Variants in RERG observed in about 807,000 individuals in gnomAD.
RERG encodes the protein ras-related and estrogen-regulated growth inhibitor.
RERG carries 25 observed loss-of-function variants against 23.2 expected under a neutral mutation model. The observed-to-expected ratio is 1.08, with a 90% confidence interval of 0.79 to 1.50. The LOEUF (loss-of-function observed/expected upper bound fraction) is 1.50. RERG is among the 40% of genes most tolerant of loss of function. The pLI is 0.00. For synonymous variants in RERG, 81 were observed against 89.1 expected (o/e 0.91, Z 0.51); for missense variants, 253 against 250.1 (o/e 1.01, Z -0.08).
intron 2 of RERG, among the ~76,000 whole-genome samples, chr12:15,214,675 TC>T (rs1279758201): frequency 2.6e-5 from 4 of 152,208 alleles, no homozygotes; most frequent in African/African-American, 9.7e-5. Context: ...ATTGTTGCAG[TC>T]TATTTTCAAA....
intron 2 of RERG, among the ~76,000 whole-genome samples, chr12:15,126,153 G>GATATATATATATATATATATATATA (rs1863937168): frequency 8.0e-6 from 1 of 125,056 alleles, no homozygotes; most frequent in Non-Finnish European, 1.6e-5. Flanking sequence ...ATATATATAT[G>GATATATATATATATATATATATATA]TATTTACACA....
At position 15,109,462 on chromosome 12, in the gene RERG, A is replaced by C; in HGVS notation, c.248T>G (p.Val83Gly). The change falls in exon 5 of 5, where the codon GTC becomes GGC. Residue 83 changes from valine (V) to glycine (G), a missense_variant. Transcript: ENST00000256953. ...HMRWGEGFVLVYDITDRGSFE... is the reference protein window; with the variant it reads ...HMRWGEGFVLGYDITDRGSFE... ...ACTTCCTCGGTCAGTAATGTCGTAG[A>C]CCAGCACAAAGCCTTCCCCCCATCG... The C allele has an allele frequency of 1.2e-6, 2 of 1,613,884 alleles. No homozygotes were observed. The highest frequency in any genetic ancestry group is 1.7e-6 in the Non-Finnish European group (2 of 1,179,876).
At chr12:15,156,323 TC>T (rs1864521888) in intron 2 of RERG, among the ~76,000 whole-genome samples, 1 of 152,176 alleles carries the variant, frequency 6.6e-6, no homozygotes, top group Non-Finnish European at 1.5e-5. Context: ...TGAAATGTTT[TC>T]CCATACAAGT....
At chr12:15,210,433 A>G (rs1865351075) in intron 2 of RERG, among the ~76,000 whole-genome samples, 1 of 152,116 alleles carries the variant, frequency 6.6e-6, no homozygotes, top group Non-Finnish European at 1.5e-5. Context: ...ATAATTCTTA[A>G]TTTTGTTTTG....
chr12:15,148,263 A>AG (rs2136105773), intron 2 of RERG, among the ~76,000 whole-genome samples: 1 of 152,376 alleles, frequency 6.6e-6, no homozygotes, highest in South Asian at 2.1e-4. Flanking sequence ...TAATAAAGTC[A>AG]GAAGACACCC....
intron 2 of RERG, among the ~76,000 whole-genome samples, chr12:15,183,696 A>G (rs1270917957): frequency 6.6e-6 from 1 of 152,188 alleles, no homozygotes; most frequent in Admixed American, 6.5e-5. Flanking sequence ...TGATCCCCAT[A>G]TATTATTTTA....
chr12:15,172,340 C>T (rs1222788155), intron 2 of RERG, among the ~76,000 whole-genome samples: 3 of 152,026 alleles, frequency 2.0e-5, no homozygotes, highest in African/African-American at 7.2e-5. Context: ...AATAATATTC[C>T]ATTATATGAA....
At position 15,116,589 on chromosome 12, in the gene RERG, A is replaced by C. The variant is rs60733564; in HGVS notation, c.118+4474T>G. Among the ~76,000 whole-genome samples the C allele has an allele frequency of 6.4e-3, 975 of 152,148 alleles. 8 individuals are homozygous for C. The highest frequency in any genetic ancestry group is 0.022 in the African/African-American group (931 of 41,440). ...AGCGTGTGGTAGCGTGATTTTGTCT[A>C]AGGTGAATACTGGGTTCATACCATT... On this transcript the variant is annotated intron_variant, in intron 3 of 4. Coordinates refer to ENST00000256953, the MANE Select transcript of RERG (RefSeq NM_032918.3).
At chr12:15,138,802 G>A (rs373600617) in intron 2 of RERG, among the ~76,000 whole-genome samples, 1 of 151,714 alleles carries the variant, frequency 6.6e-6, no homozygotes, top group South Asian at 2.1e-4. Context: ...CGTAACAGAA[G>A]TTTTAAATTT....
At chr12:15,147,992 C>T (rs1339462736) in intron 2 of RERG, among the ~76,000 whole-genome samples, 3 of 152,072 alleles carry the variant, frequency 2.0e-5, no homozygotes, top group Admixed American at 6.5e-5. Flanking sequence ...GAAAACACTG[C>T]AAATTTGAAA....
chr12:15,161,550 C>A (rs994945174), intron 2 of RERG, among the ~76,000 whole-genome samples: 1 of 152,180 alleles, frequency 6.6e-6, no homozygotes, highest in African/African-American at 2.4e-5. Context: ...GTAGCTGGTG[C>A]ACTCAATTAA....
At chr12:15,198,764 C>T (rs1454833322) in intron 2 of RERG, among the ~76,000 whole-genome samples, 2 of 152,292 alleles carry the variant, frequency 1.3e-5, no homozygotes, top group South Asian at 4.1e-4. Context: ...TTATCCCTTT[C>T]CCCTATCCTC....
chr12:15,150,401 AT>A (rs1276726135), intron 2 of RERG, among the ~76,000 whole-genome samples: 3 of 152,142 alleles, frequency 2.0e-5, no homozygotes, highest in Non-Finnish European at 2.9e-5. Context: ...TTGCCGTGTG[AT>A]TTGGGCAAGT....
intron 3 of RERG, 147 bp downstream of exon 3, chr12:15,120,916 G>T (rs996157272): frequency 1.5e-6 from 1 of 685,742 alleles, no homozygotes; most frequent in African/African-American, 1.8e-5. Context: ...CACACATCTA[G>T]CCTCATAGAG....
intron 2 of RERG, among the ~76,000 whole-genome samples, chr12:15,204,116 C>A (rs537072044): frequency 1.3e-5 from 2 of 151,646 alleles, no homozygotes; most frequent in East Asian, 1.9e-4. Flanking sequence ...ATAGCCAACA[C>A]AATTTCAAGT....
chr12:15,124,353 A>G (rs1565509935), intron 2 of RERG, among the ~76,000 whole-genome samples: 1 of 152,108 alleles, frequency 6.6e-6, no homozygotes, highest in Non-Finnish European at 1.5e-5. Flanking sequence ...ATGAAAATTA[A>G]TTAGGTATGA....
chr12:15,180,176 A>G (rs1036682054), intron 2 of RERG, among the ~76,000 whole-genome samples: 2 of 152,196 alleles, frequency 1.3e-5, no homozygotes, highest in Admixed American at 1.3e-4. Context: ...AGAGAAGAAT[A>G]TGACTCCATA....
At chr12:15,129,152 G>C (rs958932249) in intron 2 of RERG, among the ~76,000 whole-genome samples, 2 of 152,154 alleles carry the variant, frequency 1.3e-5, no homozygotes, top group Middle Eastern at 3.2e-3. Context: ...GTTGGTGATG[G>C]CTGAGACCAA....
chr12:15,211,123 C>T (rs1865359795), intron 2 of RERG, among the ~76,000 whole-genome samples: 1 of 152,068 alleles, frequency 6.6e-6, no homozygotes, highest in African/African-American at 2.4e-5. Context: ...TAATCTGCCC[C>T]TCTTCTTACC....
Sources: gnomAD v4.1 joint callset for allele counts (sites outside exome capture counted in the v4.1 genomes callset) on GRCh38, gnomAD v4.1.1 for gene constraint, MANE v1.5 for transcripts, NCBI Gene and HGNC (gene_info 2026-07-23, HGNC 2026-07-21) for gene names.